GATA2: variants seen among roughly 807,000 people sequenced by gnomAD.
The protein encoded by GATA2 is GATA binding protein 2.
In GATA2, 6 loss-of-function variants were observed where a neutral mutation model predicts 35.7. The observed-to-expected ratio is 0.17, with a 90% CI of 0.09 to 0.33. The LOEUF (loss-of-function observed/expected upper bound fraction) is 0.33. GATA2 is among the 10% of genes least tolerant of loss of function. The pLI is 1.00. For synonymous variants in GATA2, 313 were observed against 274.9 expected (o/e 1.14, Z -1.37); for missense variants, 541 against 656.6 (o/e 0.82, Z 1.92).
chr3:128,486,841 G>T lies in GATA2; in HGVS notation c.191C>A (p.Ala64Asp). The change falls in exon 2 of 6, where the codon GCT becomes GAT. Residue 64 changes from alanine to aspartate, a missense_variant. Ala to Asp is a moderately radical substitution (Grantham distance 126). Transcript: ENST00000341105. ...SQGNPYYANP[A>D]HARARVSYSP... The stretch of plus-strand genomic sequence containing the variant: ...GTAGGAGACGCGCGCCCGCGCGTGA[G>T]CGGGGTTGGCATAGTAGGGGTTGCC... 6.2e-7 allele frequency: 1 copy of T among 1,611,478 alleles called. No homozygotes were observed. Among genetic ancestry groups the T allele is most frequent in the Non-Finnish European group, 8.5e-7 (1 of 1,179,282 alleles).
intron 5 of GATA2, 30 bp from the exon 6 acceptor site, chr3:128,481,348 C>G: frequency 6.2e-7 from 1 of 1,605,230 alleles, no homozygotes; most frequent in Non-Finnish European, 8.5e-7. Context: ...TTCAGAGGGC[C>G]AGTTCCTTCC....
intron 1 of GATA2, 57 bp from the exon 2 acceptor site, chr3:128,487,133 C>T: frequency 3.1e-6 from 3 of 982,378 alleles, no homozygotes; most frequent in Non-Finnish European, 1.5e-6. Flanking sequence ...CCCCAAAGTC[C>T]CACCACGAGG....
intron 3 of GATA2, among the ~76,000 whole-genome samples, chr3:128,485,161 AGCAGGAGCAGGTCCTGGGAATTTT>A (rs1489720877): frequency 6.6e-6 from 1 of 152,068 alleles, no homozygotes; most frequent in African/African-American, 2.4e-5. Context: ...GAGGGCAGGG[AGCAGGAGCAGGTCCTGGGAATTTT>A]GCTCTGGGGA....
intron 1 of GATA2, among the ~76,000 whole-genome samples, chr3:128,491,806 C>T (rs1307667947): frequency 1.3e-5 from 2 of 152,118 alleles, no homozygotes; most frequent in Admixed American, 6.5e-5. Flanking sequence ...GCAGGCTCCC[C>T]GCGGAACCCT....
chr3:128,485,532 G>A (rs2107671615), intron 3 of GATA2, among the ~76,000 whole-genome samples, 195 bp downstream of exon 3: 1 of 152,312 alleles, frequency 6.6e-6, no homozygotes, highest in South Asian at 2.1e-4. Flanking sequence ...AAGCACTTAA[G>A]AAAATGGCAA....
In GATA2 at chr3:128,486,161, C is replaced by A. The variant is rs754645961; in HGVS notation, c.437G>T (p.Gly146Val). The change falls in exon 3 of 6, where the codon GGT becomes GTT. Residue 146 changes from glycine (G) to valine (V), a missense_variant. Gly to Val is a moderately radical substitution (Grantham distance 109, BLOSUM62 -3). Coordinates refer to ENST00000341105, the MANE Select transcript of GATA2 (RefSeq NM_032638.5). ...GCTCCCGCTGCCTCCCCCGCTCCCACCCCCAGCCCCTGGGTACACAGAGAG... is the reference window on the plus strand; with the variant it reads ...GCTCCCGCTGCCTCCCCCGCTCCCAACCCCAGCCCCTGGGTACACAGAGAG... The part of the protein sequence containing the change: ...GPLSVYPGAG[G>V]GSGGGSGSSV... The A allele has an allele frequency of 6.4e-6, 10 of 1,572,446 alleles. No homozygotes were observed. The highest frequency in any genetic ancestry group is 3.5e-5 in the South Asian group (3 of 86,300).
At chr3:128,483,050 G>A (rs950619735) in intron 4 of GATA2, among the ~76,000 whole-genome samples, 1 of 152,188 alleles carries the variant, frequency 6.6e-6, no homozygotes. Flanking sequence ...AGGGGCCAAC[G>A]CCGCGTCCTC....
At chr3:128,485,602 G>T in intron 3 of GATA2, 125 bp downstream of exon 3, 1 of 1,212,284 alleles carries the variant, frequency 8.2e-7, no homozygotes, top group East Asian at 2.5e-5. Context: ...GGGGCTATTA[G>T]AGCGAGACAT....
rs116644718 is a variant in GATA2 at position 128,483,132 on chromosome 3, G to A, written c.1017+728C>T. ...AAAAAAGGCCCCCAAAGCAGGGAAC[G>A]ATTTAAGCCTCATAAATCACTTCGC... On this transcript the variant is annotated intron_variant, in intron 4 of 5. Transcript: ENST00000341105. 3.0e-3 allele frequency among the ~76,000 whole-genome samples: 450 copies of A among 152,386 alleles called. 2 individuals carry two copies. Among genetic ancestry groups the A allele is most frequent in the African/African-American group, 0.01 (436 of 41,594 alleles).
intron 5 of GATA2, 86 bp from the exon 6 acceptor site, chr3:128,481,404 G>A: frequency 1.4e-6 from 2 of 1,479,276 alleles, no homozygotes; most frequent in African/African-American, 1.4e-5. Context: ...ACCAGAGGCA[G>A]GTCAAGCTGA....
intron 4 of GATA2, 76 bp from the exon 5 acceptor site, chr3:128,482,020 C>A: frequency 2.5e-6 from 4 of 1,572,596 alleles, no homozygotes; most frequent in Non-Finnish European, 3.5e-6. Context: ...CTCGCTCCAC[C>A]CCCAGTCCCC....
rs17844950 is a variant in GATA2 at position 128,486,107 on chromosome 3, G to T, written c.491C>A (p.Ala164Asp). 4 of 1,613,292 alleles carry T rather than the reference G, an allele frequency of 2.5e-6. No individual in the cohort carries two copies. Among genetic ancestry groups the T allele is most frequent in the Non-Finnish European group, 3.4e-6 (4 of 1,179,842 alleles). ...SSVASLTPTA[A>D]HSGSHLFGFP... ...GCCGAAAAGGTGGGAGCCAGAGTGG[G>T]CTGCTGTAGGGGTGAGGGAGGCCAC... is the stretch of plus-strand genomic sequence containing the variant. Residue 164 changes from alanine to aspartate, a missense_variant, in exon 3 of 6, where the codon GCC (alanine) becomes GAC (aspartate). Physicochemically the swap from Ala to Asp is moderately radical, Grantham distance 126. Around this residue, in one of 5 missense-constraint regions of GATA2, gnomAD observed 389 missense variants for 396.9 expected, o/e 0.98. Coordinates refer to ENST00000341105, the MANE Select transcript of GATA2 (RefSeq NM_032638.5).
chr3:128,487,405 G>A (rs1258564137), intron 1 of GATA2, among the ~76,000 whole-genome samples: 2 of 151,458 alleles, frequency 1.3e-5, no homozygotes, highest in African/African-American at 4.9e-5. Context: ...CCCCCCGCCC[G>A]GTAGACAAAC....
chr3:128,481,031 G>T lies in GATA2; in HGVS notation c.1431C>A (p.Thr477=). 1 of 1,577,976 alleles carries T rather than the reference G, an allele frequency of 6.3e-7. No homozygotes were observed. Residue 477 remains threonine, a synonymous_variant, in exon 6 of 6, where the codon ACC becomes ACA. Transcript: ENST00000341105. ...GTCCATCTGTTCCCTAGCCCATGGC[G>T]GTCACCATGCTGGACGGGTGGGGGT... ...FGHPHPSSMV[T]AMG
At chr3:128,483,053 G>C (rs371627010) in intron 4 of GATA2, among the ~76,000 whole-genome samples, 28 of 152,306 alleles carry the variant, frequency 1.8e-4, no homozygotes, top group African/African-American at 6.7e-4. Flanking sequence ...GGCCAACGCC[G>C]CGTCCTCCAC....
At position 128,489,396 on chromosome 3, in the gene GATA2, T is replaced by G. The variant is rs773250359; in HGVS notation, c.-45-2320A>C. ...CCTAGGCGTCTGGCGTCCGTTTGTC[T>G]GTCCGAGGCCTCAGCGCAGGTAAAG... is the stretch of plus-strand genomic sequence containing the variant. On this transcript the variant is annotated intron_variant, in intron 1 of 5. Transcript: ENST00000341105. The G allele has an allele frequency of 1.1e-3, 173 of 152,466 alleles. 1 individual carries two copies. Among genetic ancestry groups the G allele is most frequent in the Non-Finnish European group, 2.1e-3 (144 of 68,180 alleles). 9.4% of individuals were successfully genotyped at this position (152,466 alleles called of 1,614,324 possible). A position where few individuals can be genotyped will look rare whatever the true frequency, so the allele number is the denominator to read the frequency against.
At chr3:128,486,695 T>G in intron 2 of GATA2, 108 bp downstream of exon 2, 1 of 1,162,208 alleles carries the variant, frequency 8.6e-7, no homozygotes, top group Non-Finnish European at 1.2e-6. Flanking sequence ...TTTCAGCAGC[T>G]CGATTCCTGC....
intron 1 of GATA2, chr3:128,487,770 A>C (rs1247951998): frequency 1.3e-5 from 2 of 152,066 alleles, no homozygotes; most frequent in African/African-American, 4.8e-5. Context: ...TTCCGGCGGG[A>C]GCCCCGAGGG....
rs889641315 is a variant in GATA2 at position 128,493,001 on chromosome 3, G to C, written c.-148C>G. On this transcript the variant is annotated 5_prime_UTR_variant, in exon 1 of 6. Transcript: ENST00000341105. Reference sequence around the variant, plus strand: ...AGGCGGGCTCGCGGGACCTGGGCGCGGGGTGGCGGCGCTCACCAGCAGAGC... The same window carrying C: ...AGGCGGGCTCGCGGGACCTGGGCGCCGGGTGGCGGCGCTCACCAGCAGAGC... The C allele has an allele frequency of 6.5e-6, 1 of 153,112 alleles. No individual in the cohort carries two copies. The highest frequency in any genetic ancestry group is 1.5e-5 in the Non-Finnish European group (1 of 68,730). 9.5% of individuals were successfully genotyped at this position (153,112 alleles called of 1,614,324 possible). A position where few individuals can be genotyped will look rare whatever the true frequency, so the allele number is the denominator to read the frequency against.
Sources: gnomAD v4.1 joint callset for allele counts (sites outside exome capture counted in the v4.1 genomes callset) on GRCh38, gnomAD v4.1.1 for gene constraint, gnomAD v4.1.1 regional missense constraint, MANE v1.5 for transcripts, NCBI Gene and HGNC (gene_info 2026-07-23, HGNC 2026-07-21) for gene names.